The following GALNT9 variants were observed in gnomAD, a reference collection of about 807,000 sequenced individuals.
The protein encoded by GALNT9 is GalNAc transferase 9.
In GALNT9, 47 loss-of-function variants were observed where a neutral mutation model predicts 63.1. The ratio of observed to expected loss-of-function variants is 0.75; its 90% CI spans 0.59 to 0.95. The LOEUF (loss-of-function observed/expected upper bound fraction) is 0.95, where lower values mean the gene tolerates loss of function less well. Among genes scored for constraint, GALNT9 ranks in the 40% least tolerant of loss-of-function variants. The pLI, the probability that GALNT9 is intolerant of heterozygous loss-of-function variation, is 0.00. For synonymous variants in GALNT9, 396 were observed against 365.7 expected (o/e 1.08, Z -0.94); for missense variants, 829 against 874.8 (o/e 0.95, Z 0.66).
chr12:132,197,849 G>A lies in GALNT9; in HGVS notation c.1608C>T (p.Thr536=). 1 of 1,607,150 alleles carries A rather than the reference G, an allele frequency of 6.2e-7. No homozygotes were observed. Residue 536 remains threonine (T), a synonymous_variant, in exon 10 of 11, where the codon ACC becomes ACT. Transcript: ENST00000328957. ...LVDDGTGRMP[T]LKKCEDVARP... ...GCGCCACATCCTCACACTTCTTCAG[G>A]GTGGGCATGCGGCCCGTGCCGTCAT... is the stretch of plus-strand genomic sequence containing the variant.
In GALNT9 at chr12:132,315,734, G is replaced by A. The variant is rs563756187; in HGVS notation, c.238+13232C>T. On this transcript the variant is annotated intron_variant, in intron 1 of 10. Transcript: ENST00000328957. This position sits in a 1 kb window ranked among gnomAD's most constrained non-coding sequence, Gnocchi z 6.1. Reference sequence around the variant, plus strand: ...CCACACTCAGCCCTGGTGTCCTTGCGGGAACACAGGGTCCAGAGACGGCCT... The same window carrying A: ...CCACACTCAGCCCTGGTGTCCTTGCAGGAACACAGGGTCCAGAGACGGCCT... Among the ~76,000 whole-genome samples the A allele has an allele frequency of 1.0e-3, 155 of 152,284 alleles. No individual in the cohort carries two copies. The highest frequency in any genetic ancestry group is 3.3e-3 in the African/African-American group (139 of 41,538).
Position 132,320,939 on chromosome 12 carries a change from C to T in GALNT9, c.238+8027G>A, listed in dbSNP as rs369154836. On this transcript the variant is annotated intron_variant, in intron 1 of 10. Coordinates refer to ENST00000328957, the MANE Select transcript of GALNT9 (RefSeq NM_001122636.2). ...AGGGGTCGTGTGACCGGCCCACAGT[C>T]GTGCAGCTGAGGAGGGAGGAGCTGG... Among the ~76,000 whole-genome samples, 34 of 152,316 alleles carry T rather than the reference C, an allele frequency of 2.2e-4. 1 individual carries two copies. The South Asian group carries it at 5.2e-3, about 23-fold the overall frequency.
At chr12:132,203,971 C>A (rs146835791) in intron 6 of GALNT9, among the ~76,000 whole-genome samples, 1 of 152,214 alleles carries the variant, frequency 6.6e-6, no homozygotes, top group African/African-American at 2.4e-5. Flanking sequence ...CTACCGACCC[C>A]AACACTTAAC....
chr12:132,222,742 G>A (rs959018002), intron 6 of GALNT9, among the ~76,000 whole-genome samples: 22,588 of 151,766 alleles, frequency 0.15, 1,943 homozygotes, highest in Admixed American at 0.19. Context: ...AGTGCTGCAA[G>A]ACCTGGGAGG....
chr12:132,265,155 A>G lies in GALNT9; in HGVS notation c.420-2530T>C, dbSNP rs1654014052. Among the ~76,000 whole-genome samples, 1 of 152,202 alleles carries G rather than the reference A, an allele frequency of 6.6e-6. No individual in the cohort carries two copies. The highest frequency in any genetic ancestry group is 2.4e-5 in the African/African-American group (1 of 41,450). On this transcript the variant is annotated intron_variant, in intron 2 of 10. Coordinates refer to ENST00000328957, the MANE Select transcript of GALNT9 (RefSeq NM_001122636.2). This position sits in a 1 kb window ranked among gnomAD's most constrained non-coding sequence, Gnocchi z 5.3. ...CCCAAGAAAAAGATAAAGGAGCGCA[A>G]AGATTTTCCAACAAGTCCCAAATGC...
chr12:132,304,487 A>G (rs1216705911), intron 1 of GALNT9, among the ~76,000 whole-genome samples: 2 of 30,260 alleles, frequency 6.6e-5, no homozygotes, highest in Non-Finnish European at 1.1e-4. Context: ...ACGCTCACCC[A>G]GACACACCCT....
chr12:132,306,808 A>T (rs1555244688), intron 1 of GALNT9, among the ~76,000 whole-genome samples: 1 of 152,198 alleles, frequency 6.6e-6, no homozygotes, highest in Admixed American at 6.5e-5. Context: ...AAGATGGCTC[A>T]CTTCCGCGCA....
At chr12:132,285,995 C>T (rs1049604711) in intron 2 of GALNT9, among the ~76,000 whole-genome samples, 1 of 152,096 alleles carries the variant, frequency 6.6e-6, no homozygotes, top group Admixed American at 6.5e-5. Context: ...CCACAGCAGA[C>T]CTTTGCGCGT....
chr12:132,286,211 CGGCG>C lies in GALNT9; in HGVS notation c.419+35_419+38del. ...CCAGTGTGGGGGGCGGTCACTTCCT[CGGCG>C]GGCGTCGGGGGATGGGGGGCAGTCA... On this transcript the variant is annotated intron_variant, in intron 2 of 10. Transcript: ENST00000328957. This position sits in a 1 kb window ranked among gnomAD's most constrained non-coding sequence, Gnocchi z 7.4. 1 of 1,523,998 alleles carries C rather than the reference CGGCG, an allele frequency of 6.6e-7. No homozygotes were observed. Among genetic ancestry groups the C allele is most frequent in the Non-Finnish European group, 8.8e-7 (1 of 1,130,932 alleles). 94.4% of individuals were successfully genotyped at this position (1,523,998 alleles called of 1,614,324 possible).
intron 4 of GALNT9, among the ~76,000 whole-genome samples, chr12:132,260,429 G>A (rs1555239610): frequency 6.6e-6 from 1 of 152,190 alleles, no homozygotes; most frequent in African/African-American, 2.4e-5. Flanking sequence ...CATACACAAG[G>A]TGACCCCCTC....
At position 132,208,401 on chromosome 12, in the gene GALNT9, G is replaced by A. The variant is rs78015387; in HGVS notation, c.1078-4711C>T. ...GGATAAGCTGGACTCGCCTTCTGGC[G>A]TCTGTGTGTGCAGCTCTCCCCACTG... On this transcript the variant is annotated intron_variant, in intron 6 of 10. Transcript: ENST00000328957. Among the ~76,000 whole-genome samples the A allele has an allele frequency of 5.8e-3, 884 of 152,340 alleles. 12 individuals carry two copies. Among genetic ancestry groups the A allele is most frequent in the African/African-American group, 0.02 (829 of 41,572 alleles).
chr12:132,258,601 G>A (rs993788021), intron 4 of GALNT9, among the ~76,000 whole-genome samples: 2 of 152,334 alleles, frequency 1.3e-5, no homozygotes, highest in Admixed American at 6.5e-5. Flanking sequence ...CAGAGGGTGC[G>A]GCAGCTGCAC....
intron 1 of GALNT9, among the ~76,000 whole-genome samples, chr12:132,313,493 T>G (rs1403231291): frequency 3.9e-5 from 4 of 103,144 alleles, no homozygotes; most frequent in African/African-American, 1.5e-4. Flanking sequence ...CATCCAGCCA[T>G]CCATCCATTC....
chr12:132,328,219 T>C (rs1387660291), intron 1 of GALNT9, among the ~76,000 whole-genome samples: 1 of 152,074 alleles, frequency 6.6e-6, no homozygotes, highest in Admixed American at 6.5e-5. Context: ...CCGGTGCTGC[T>C]CCTCGGGCTG....
At chr12:132,255,860 T>A (rs28517330) in intron 5 of GALNT9, among the ~76,000 whole-genome samples, 4 of 152,212 alleles carry the variant, frequency 2.6e-5, no homozygotes, top group South Asian at 4.1e-4. Context: ...CTTTGCGATC[T>A]TCACGCTGGG....
intron 2 of GALNT9, among the ~76,000 whole-genome samples, chr12:132,267,929 G>GGA (rs565817340): frequency 3.9e-5 from 5 of 128,124 alleles, no homozygotes; most frequent in African/African-American, 1.6e-4. Flanking sequence ...TCACACACAT[G>GGA]CACACACACA....
chr12:132,203,772 A>C (rs1486074539), intron 6 of GALNT9, 82 bp from the exon 7 acceptor site: 2 of 1,459,858 alleles, frequency 1.4e-6, no homozygotes, highest in East Asian at 2.3e-5. Flanking sequence ...GTGAGAGGCC[A>C]AGGGGCCCGG....
intron 6 of GALNT9, among the ~76,000 whole-genome samples, chr12:132,213,945 T>C (rs1877077423): frequency 6.6e-6 from 1 of 152,158 alleles, no homozygotes; most frequent in African/African-American, 2.4e-5. Flanking sequence ...CCACCCCCTA[T>C]GTCCGCACAC....
At chr12:132,241,537 C>CA (rs1188324910) in intron 6 of GALNT9, among the ~76,000 whole-genome samples, 1 of 31,038 alleles carries the variant, frequency 3.2e-5, no homozygotes, top group African/African-American at 1.2e-4. Flanking sequence ...ACCCCCTTCC[C>CA]GGGGCCCTCC....
Sources: gnomAD v4.1 joint callset for allele counts (sites outside exome capture counted in the v4.1 genomes callset) on GRCh38, gnomAD v4.1.1 for gene constraint, Gnocchi (gnomAD v3.1) non-coding constraint, MANE v1.5 for transcripts, NCBI Gene and HGNC (gene_info 2026-07-23, HGNC 2026-07-21) for gene names.